Variants in TOGARAM2 observed in about 807,000 individuals in gnomAD.
TOGARAM2 encodes the protein TOG array regulator of axonemal microtubules protein 2.
In TOGARAM2, 85 loss-of-function variants were observed where a neutral mutation model predicts 93.3. The observed-to-expected ratio is 0.91, with a 90% CI of 0.76 to 1.09. The LOEUF (loss-of-function observed/expected upper bound fraction) is 1.09, where lower values mean the gene tolerates loss of function less well. Among genes scored for constraint, TOGARAM2 ranks in the 50% least tolerant of loss-of-function variants. The probability of loss-of-function intolerance (pLI) is 0.00; values close to 1 mark genes in which losing one functional copy is unlikely to be tolerated. For synonymous variants in TOGARAM2, 593 were observed against 552.8 expected (o/e 1.07, Z -1.02); for missense variants, 1,277 against 1,334.5 (o/e 0.96, Z 0.67).
At position 29,036,604 on chromosome 2, in the gene TOGARAM2, G is replaced by T. The variant is rs762184901; in HGVS notation, c.2482G>T (p.Glu828Ter). The T allele has an allele frequency of 6.2e-7, 1 of 1,613,782 alleles. No homozygotes were observed. Among genetic ancestry groups the T allele is most frequent in the African/African-American group, 1.3e-5 (1 of 74,866 alleles). ...CAAGAAAGTGAACCAGTGGGCGCTG[G>T]AGTCCTTCGCCAAGATGATCCCCCT... is the stretch of plus-strand genomic sequence containing the variant. Reference protein sequence around the residue: ...SNKKVNQWALESFAKMIPLLR... With the variant: ...SNKKVNQWAL The change falls in exon 18 of 20, where the codon GAG becomes TAG. Residue 828 changes from glutamate (E) to a stop codon, truncating the protein, a stop_gained. Transcript: ENST00000379558. LOFTEE classifies it high-confidence loss of function.
chr2:29,035,676 A>G lies in TOGARAM2; in HGVS notation c.2418+20A>G, dbSNP rs556925094. On this transcript the variant is annotated intron_variant, in intron 17 of 19. Transcript: ENST00000379558. The stretch of plus-strand genomic sequence containing the variant: ...GTCCAGGTGAGCACCGCTTGCTTTT[A>G]CTCTCCCACCTGTCTCTCCTCTGGG... 2.8e-4 allele frequency: 381 copies of G among 1,373,584 alleles called. No individual in the cohort carries two copies. The Middle Eastern group carries it at 6.4e-3, about 23-fold the overall frequency. The allele number at this position is 1,373,584 out of a possible 1,614,324, so 85.1% of individuals were successfully genotyped here.
In TOGARAM2 at chr2:29,024,264, G is replaced by A. The variant is rs1315887410; in HGVS notation, c.1743G>A (p.Met581Ile). The change falls in exon 13 of 20, where the codon ATG becomes ATA. Residue 581 changes from methionine (M) to isoleucine (I), a missense_variant. Coordinates refer to ENST00000379558, the MANE Select transcript of TOGARAM2 (RefSeq NM_199280.4). ...EEIARCLLQK[M>I]ADTNEFIQRA... Reference sequence around the variant, plus strand: ...TCGCCCGCTGCTTGCTGCAGAAGATGGCGGACACCAACGAGTTCATCCAGA... The same window carrying A: ...TCGCCCGCTGCTTGCTGCAGAAGATAGCGGACACCAACGAGTTCATCCAGA... 3 of 1,613,112 alleles carry A rather than the reference G, an allele frequency of 1.9e-6. No individual in the cohort carries two copies. The highest frequency in any genetic ancestry group is 2.5e-6 in the Non-Finnish European group (3 of 1,179,520).
At chr2:28,982,274 T>A (rs1672231540) in intron 1 of TOGARAM2, among the ~76,000 whole-genome samples, 1 of 152,074 alleles carries the variant, frequency 6.6e-6, no homozygotes, top group Non-Finnish European at 1.5e-5. Flanking sequence ...GAAACTAAGG[T>A]TTTGCCAGTC....
At chr2:28,983,261 G>A (rs1468250503) in intron 1 of TOGARAM2, among the ~76,000 whole-genome samples, 3 of 100,196 alleles carry the variant, frequency 3.0e-5, no homozygotes, top group East Asian at 6.5e-4. Context: ...GCTCAGCCTG[G>A]TCTCGAATTC....
At chr2:28,990,457 A>G (rs760831466) in intron 1 of TOGARAM2, among the ~76,000 whole-genome samples, 3 of 152,108 alleles carry the variant, frequency 2.0e-5, no homozygotes, top group Non-Finnish European at 4.4e-5. Context: ...GTCTCCCCCG[A>G]TGGCCCTCAT....
At chr2:29,033,211 C>G (rs1218203843) in intron 15 of TOGARAM2, among the ~76,000 whole-genome samples, 160 bp downstream of exon 15, 1 of 152,120 alleles carries the variant, frequency 6.6e-6, no homozygotes, top group Non-Finnish European at 1.5e-5. Context: ...GATTTCTGTC[C>G]TCTGTGCTCA....
intron 7 of TOGARAM2, 63 bp from the exon 8 acceptor site, chr2:29,014,332 G>A (rs756461230): frequency 4.7e-5 from 73 of 1,554,002 alleles, no homozygotes; most frequent in Non-Finnish European, 6.3e-5. Flanking sequence ...GCCAGCCACA[G>A]GGTCAGTGAG....
intron 6 of TOGARAM2, among the ~76,000 whole-genome samples, chr2:29,005,026 GTA>G (rs879895831): frequency 0.32 from 17,008 of 53,704 alleles, 6,212 homozygotes; most frequent in Non-Finnish European, 0.45. Flanking sequence ...GTGAGTGCAT[GTA>G]TGTGAGTGCA....
chr2:29,016,584 G>T (rs11689036), intron 8 of TOGARAM2, among the ~76,000 whole-genome samples: 35,071 of 152,110 alleles, frequency 0.23, 4,157 homozygotes, highest in Middle Eastern at 0.29. Flanking sequence ...CCAGTGGAAG[G>T]CAGATCATGT....
chr2:28,959,944 C>G (rs923057180), intron 1 of TOGARAM2, among the ~76,000 whole-genome samples: 1 of 152,194 alleles, frequency 6.6e-6, no homozygotes, highest in African/African-American at 2.4e-5. Context: ...TGTGGGCTAT[C>G]TTATGTAGCC....
At chr2:29,021,578 TG>T (rs1664948086) in intron 10 of TOGARAM2, among the ~76,000 whole-genome samples, 1 of 152,212 alleles carries the variant, frequency 6.6e-6, no homozygotes, top group South Asian at 2.1e-4. Flanking sequence ...CTGTTTGTTG[TG>T]GGTCCCTGTG....
intron 1 of TOGARAM2, among the ~76,000 whole-genome samples, chr2:28,984,576 G>A (rs1228636138): frequency 6.6e-6 from 1 of 152,226 alleles, no homozygotes; most frequent in Non-Finnish European, 1.5e-5. Flanking sequence ...ACAGTTTGAA[G>A]ATTCAAGCTC....
intron 5 of TOGARAM2, among the ~76,000 whole-genome samples, chr2:29,002,964 G>A (rs1439682254): frequency 6.6e-6 from 1 of 152,198 alleles, no homozygotes; most frequent in Non-Finnish European, 1.5e-5. Flanking sequence ...AGCTGGCCTG[G>A]GGGCTCTGGG....
chr2:29,010,365 C>T (rs891131194), intron 6 of TOGARAM2, among the ~76,000 whole-genome samples: 1 of 152,156 alleles, frequency 6.6e-6, no homozygotes, highest in African/African-American at 2.4e-5. Context: ...CCCACACGAT[C>T]CCTCCCTGTG....
intron 19 of TOGARAM2, chr2:29,045,722 C>A: frequency 2.7e-6 from 1 of 366,284 alleles, no homozygotes; most frequent in Non-Finnish European, 5.1e-6. Context: ...GCTGACATGA[C>A]ATTAAAAGAA....
upstream of TOGARAM2, among the ~76,000 whole-genome samples, chr2:28,979,290 G>A (rs1672079547): frequency 6.6e-6 from 1 of 152,222 alleles, no homozygotes; most frequent in Non-Finnish European, 1.5e-5. Context: ...TCTGTCCATG[G>A]TCACAGTGAG....
At chr2:29,040,781 G>A (rs1454731862) in intron 18 of TOGARAM2, among the ~76,000 whole-genome samples, 1 of 152,144 alleles carries the variant, frequency 6.6e-6, no homozygotes, top group African/African-American at 2.4e-5. Context: ...TGCGCCATAA[G>A]GCTCTCCCAT....
At chr2:29,040,484 T>C (rs1304626162) in intron 18 of TOGARAM2, among the ~76,000 whole-genome samples, 1 of 152,216 alleles carries the variant, frequency 6.6e-6, no homozygotes, top group Admixed American at 6.5e-5. Context: ...ATCCACCTGA[T>C]AGCAATAACT....
chr2:29,033,143 G>A (rs950799786), intron 15 of TOGARAM2, 92 bp downstream of exon 15: 7 of 1,009,522 alleles, frequency 6.9e-6, no homozygotes, highest in Non-Finnish European at 1.1e-5. Flanking sequence ...AGGGGAGTGG[G>A]GAGTGGATTC....
Sources: gnomAD v4.1 joint callset for allele counts (sites outside exome capture counted in the v4.1 genomes callset) on GRCh38, gnomAD v4.1.1 for gene constraint, MANE v1.5 for transcripts, NCBI Gene and HGNC (gene_info 2026-07-23, HGNC 2026-07-21) for gene names.